CCDC18: variants seen among roughly 807,000 people sequenced by gnomAD.
CCDC18 encodes the protein coiled-coil domain containing 18, also known as coiled-coil domain-containing protein 18.
In CCDC18, 157 loss-of-function variants were observed where a neutral mutation model predicts 196.0. That is an observed-to-expected ratio of 0.80 (90% confidence interval 0.70 to 0.91). The LOEUF is 0.91. CCDC18 is among the 40% of genes least tolerant of loss of function. The probability of loss-of-function intolerance (pLI) is 0.00; values close to 1 mark genes in which losing one functional copy is unlikely to be tolerated. For missense variants in CCDC18, 1,465 were observed against 1,611.6 expected, an observed-to-expected ratio of 0.91 and a Z score of 1.56; for synonymous variants, 482 against 529.2, an observed-to-expected ratio of 0.91 and a Z score of 1.22.
intron 14 of CCDC18, among the ~76,000 whole-genome samples, chr1:93,218,956 C>T (rs1265503005): frequency 6.6e-6 from 1 of 152,200 alleles, no homozygotes; most frequent in Non-Finnish European, 1.5e-5. Flanking sequence ...GCTGCTTCAT[C>T]AGCAGACACA....
chr1:93,180,719 G>A, upstream of CCDC18: 1 of 1,360,488 alleles, frequency 7.4e-7, no homozygotes, highest in Non-Finnish European at 9.8e-7. Flanking sequence ...AACGGCTCCC[G>A]CGGCGGTTCG....
intron 27 of CCDC18, 72 bp downstream of exon 27, chr1:93,264,973 G>A (rs781586132): frequency 1.5e-5 from 16 of 1,068,846 alleles, no homozygotes; most frequent in Non-Finnish European, 2.3e-5. Flanking sequence ...ACCTGTCTTA[G>A]TAGTTTATAG....
At position 93,252,019 on chromosome 1, in the gene CCDC18, G is replaced by GTCTATCTATCTATCTATCTATCTA. The variant is rs55887771; in HGVS notation, c.3199-2430_3199-2429insTATCTATCTATCTATCTATCTATC. Among the ~76,000 whole-genome samples the GTCTATCTATCTATCTATCTATCTA allele has an allele frequency of 2.4e-3, 364 of 150,364 alleles. 2 individuals carry two copies. The highest frequency in any genetic ancestry group is 7.8e-3 in the African/African-American group (318 of 40,740). On this transcript the variant is annotated intron_variant, in intron 23 of 28. Coordinates refer to ENST00000690025, the MANE Select transcript of CCDC18 (RefSeq NM_001378204.1). ...AGTCTATTTATCTATCTATCTGTCTGTCTATCTATCTATCTATCTATCAAA... is the reference window on the plus strand; with the variant it reads ...AGTCTATTTATCTATCTATCTGTCTGTCTATCTATCTATCTATCTATCTATCTATCTATCTATCTATCTATCAAA...
chr1:93,271,550 C>CT (rs1462988543), intron 28 of CCDC18: 2 of 983,102 alleles, frequency 2.0e-6, no homozygotes, highest in Non-Finnish European at 2.4e-6. Context: ...CATACCCACT[C>CT]TAAGCTGGGT....
rs1659462012 is a variant in CCDC18 at position 93,232,901 on chromosome 1, G to A, written c.2460+308G>A. Among the ~76,000 whole-genome samples, 2 of 152,170 alleles carry A rather than the reference G, an allele frequency of 1.3e-5. 1 individual carries two copies. On this transcript the variant is annotated intron_variant, in intron 18 of 28. Transcript: ENST00000690025. The stretch of plus-strand genomic sequence containing the variant: ...CACAAGAATTGCTTGAACCCAAGAG[G>A]TGGAGGTTGCAGTGAGCTGCAATCG...
chr1:93,272,630 A>T (rs956443456), intron 28 of CCDC18, among the ~76,000 whole-genome samples: 1 of 152,242 alleles, frequency 6.6e-6, no homozygotes, highest in Admixed American at 6.5e-5. Context: ...TATGACCCTC[A>T]TAAGACTGGC....
chr1:93,246,101 G>A lies in CCDC18; in HGVS notation c.2982-4G>A. On this transcript the variant is annotated splice_region_variant and splice_polypyrimidine_tract_variant and intron_variant, in intron 21 of 28. Coordinates refer to ENST00000690025, the MANE Select transcript of CCDC18 (RefSeq NM_001378204.1). ...TTTGATCTTTTTCCTTTGATAAATT[G>A]TAGAGAATGCAAGATGGAGATTGAA... 1 of 1,580,854 alleles carries A rather than the reference G, an allele frequency of 6.3e-7. No individual in the cohort carries two copies. Among genetic ancestry groups the A allele is most frequent in the Non-Finnish European group, 8.6e-7 (1 of 1,160,238 alleles).
chr1:93,224,528 C>G (rs1368361151), intron 16 of CCDC18, among the ~76,000 whole-genome samples: 1 of 152,212 alleles, frequency 6.6e-6, no homozygotes, highest in African/African-American at 2.4e-5. Flanking sequence ...TGAAGAGTAT[C>G]TAGCCATGCC....
chr1:93,273,268 CTG>C, intron 28 of CCDC18, among the ~76,000 whole-genome samples: 1 of 152,218 alleles, frequency 6.6e-6, no homozygotes, highest in Non-Finnish European at 1.5e-5. Context: ...CGGGGTTTCA[CTG>C]TGTTAGCCAG....
At chr1:93,253,654 C>T (rs1210073932) in intron 23 of CCDC18, among the ~76,000 whole-genome samples, 1 of 152,194 alleles carries the variant, frequency 6.6e-6, no homozygotes, top group African/African-American at 2.4e-5. Context: ...TTCCGGTCCA[C>T]TGCTGAGACT....
intron 17 of CCDC18, among the ~76,000 whole-genome samples, chr1:93,228,928 T>C (rs571961446): frequency 6.6e-6 from 1 of 152,232 alleles, no homozygotes; most frequent in East Asian, 1.9e-4. Flanking sequence ...AACGATTTTT[T>C]TTTTCTTTTT....
At chr1:93,265,040 T>A in intron 27 of CCDC18, 139 bp downstream of exon 27, 1 of 604,454 alleles carries the variant, frequency 1.7e-6, no homozygotes, top group South Asian at 2.2e-5. Flanking sequence ...ATTTAGAAGA[T>A]GTTGAATTTA....
At position 93,213,169 on chromosome 1, in the gene CCDC18, ACCT is replaced by A. The variant is rs572789567; in HGVS notation, c.1495+912_1495+914del. Among the ~76,000 whole-genome samples, 78 of 151,406 alleles carry A rather than the reference ACCT, an allele frequency of 5.2e-4. 2 individuals carry two copies. The East Asian group carries it at 0.012, about 23-fold the overall frequency. ...AGCTTTGCTCATTCGCCTGCCACTC[ACCT>A]CCTACTATGTGGCCCAGTTCCTAAT... On this transcript the variant is annotated intron_variant, in intron 11 of 28. Coordinates refer to ENST00000690025, the MANE Select transcript of CCDC18 (RefSeq NM_001378204.1).
At chr1:93,181,267 GACT>G (rs1557588509) in intron 1 of CCDC18, among the ~76,000 whole-genome samples, 2 of 139,298 alleles carry the variant, frequency 1.4e-5, no homozygotes, top group African/African-American at 2.7e-5. Flanking sequence ...TGAGACAGGA[GACT>G]ACTACATAAA....
chr1:93,187,962 G>GTAGATAATC (rs1380540070), intron 4 of CCDC18, among the ~76,000 whole-genome samples: 1 of 152,004 alleles, frequency 6.6e-6, no homozygotes, highest in African/African-American at 2.4e-5. Flanking sequence ...TTCTTCAACT[G>GTAGATAATC]TAGATAATCT....
rs771484440 is a variant in CCDC18, at chr1:93,254,497, A to G, written c.3225A>G (p.Gln1075=). 8.8e-6 allele frequency: 14 copies of G among 1,591,342 alleles called. No individual in the cohort carries two copies. Among genetic ancestry groups the G allele is most frequent in the South Asian group, 1.1e-5 (1 of 88,354 alleles). The change falls in exon 24 of 29, where the codon CAA becomes CAG. Residue 1075 remains glutamine, a synonymous_variant. Coordinates refer to ENST00000690025, the MANE Select transcript of CCDC18 (RefSeq NM_001378204.1). ...KQIESLNDKL[Q]NAKEQLREKE... ...TAGAAAGTCTGAATGACAAATTACA[A>G]AATGCTAAAGAACAGCTTCGAGAAA... is the stretch of plus-strand genomic sequence containing the variant.
intron 28 of CCDC18, 166 bp downstream of exon 28, chr1:93,270,980 C>T: frequency 1.0e-6 from 1 of 983,006 alleles, no homozygotes; most frequent in Non-Finnish European, 1.2e-6. Context: ...GACATTTTCT[C>T]TATTGCATGG....
In CCDC18 at chr1:93,254,517, G is replaced by A. The variant is rs1049285817; in HGVS notation, c.3245G>A (p.Arg1082Gln). The A allele has an allele frequency of 7.5e-6, 12 of 1,602,142 alleles. No homozygotes were observed. The highest frequency in any genetic ancestry group is 2.2e-5 in the East Asian group (1 of 44,650). Residue 1082 changes from arginine to glutamine, a missense_variant, in exon 24 of 29, where the codon CGA becomes CAA. Physicochemically the swap from Arg to Gln is conservative, Grantham distance 43 (BLOSUM62 1). Transcript: ENST00000690025. Reference protein sequence around the residue: ...DKLQNAKEQLREKEFIMLQNE... With the variant: ...DKLQNAKEQLQEKEFIMLQNE... ...TTACAAAATGCTAAAGAACAGCTTC[G>A]AGAAAAAGAGTTTATAATGCTACAA...
chr1:93,202,672 A>G (rs1654027155), intron 7 of CCDC18, among the ~76,000 whole-genome samples: 2 of 152,170 alleles, frequency 1.3e-5, no homozygotes. Flanking sequence ...GTAGAAGGGT[A>G]GAGTAAGAAG....
Sources: allele counts gnomAD v4.1 joint callset (sites outside exome capture counted in the v4.1 genomes callset), GRCh38; gene constraint gnomAD v4.1.1; transcripts MANE v1.5; gene names NCBI Gene and HGNC (gene_info 2026-07-23, HGNC 2026-07-21).